The following ACER2 variants were observed in gnomAD, a reference collection of about 807,000 sequenced individuals.
ACER2 encodes the protein alkaline ceramidase 2, also known as alkCDase 2.
In ACER2, 26 loss-of-function variants were observed where a neutral mutation model predicts 34.7. The ratio of observed to expected loss-of-function variants is 0.75; its 90% CI spans 0.55 to 1.04. The LOEUF (loss-of-function observed/expected upper bound fraction) is 1.04. Ranked by LOEUF, ACER2 falls within the 50% of genes least tolerant of loss-of-function variation. The pLI, the probability that ACER2 is intolerant of heterozygous loss-of-function variation, is 0.00. For synonymous variants in ACER2, 138 were observed against 132.1 expected (o/e 1.04, Z -0.31); for missense variants, 352 against 340.8 (o/e 1.03, Z -0.26).
chr9:19,425,443 A>G (rs1830533651), intron 3 of ACER2, among the ~76,000 whole-genome samples: 1 of 152,276 alleles, frequency 6.6e-6, no homozygotes, highest in Non-Finnish European at 1.5e-5. Context: ...TTATACAGGT[A>G]TTCATCCAGC....
chr9:19,418,307 G>T (rs1830296250), intron 1 of ACER2, among the ~76,000 whole-genome samples: 1 of 152,142 alleles, frequency 6.6e-6, no homozygotes, highest in African/African-American at 2.4e-5. Context: ...CAACAATCTG[G>T]AACTAGAAAT....
chr9:19,424,106 AC>A, intron 2 of ACER2, 130 bp downstream of exon 2: 1 of 909,632 alleles, frequency 1.1e-6, no homozygotes, highest in Non-Finnish European at 1.7e-6. Flanking sequence ...GTCTTAGCAA[AC>A]TTTTTTTTCC....
At chr9:19,412,416 G>A (rs773532325) in intron 1 of ACER2, among the ~76,000 whole-genome samples, 3 of 152,130 alleles carry the variant, frequency 2.0e-5, no homozygotes, top group Non-Finnish European at 4.4e-5. Context: ...ACTTTGGGAG[G>A]CTGAGGCAGG....
chr9:19,423,826 AT>A (rs1830481744), intron 1 of ACER2, 35 bp from the exon 2 acceptor site: 1 of 1,539,614 alleles, frequency 6.5e-7, no homozygotes, highest in Non-Finnish European at 9.0e-7. Flanking sequence ...TTTTTACTTA[AT>A]ACTCATCTTT....
chr9:19,414,595 T>A (rs893403763), intron 1 of ACER2, among the ~76,000 whole-genome samples: 6 of 152,096 alleles, frequency 3.9e-5, no homozygotes, highest in African/African-American at 1.4e-4. Context: ...GCAGATCACT[T>A]GAGACCAGCC....
intron 1 of ACER2, among the ~76,000 whole-genome samples, chr9:19,410,657 C>A (rs988816743): frequency 3.3e-5 from 5 of 152,184 alleles, no homozygotes; most frequent in African/African-American, 1.2e-4. Flanking sequence ...CTGCAATGAA[C>A]TGAGATCGCG....
intron 3 of ACER2, among the ~76,000 whole-genome samples, chr9:19,432,847 G>T (rs1002055264): frequency 8.0e-5 from 12 of 150,626 alleles, no homozygotes; most frequent in African/African-American, 2.9e-4. Flanking sequence ...TCCTACTTTG[G>T]CCTCCCAAAG....
At chr9:19,427,429 A>G (rs140923598) in intron 3 of ACER2, among the ~76,000 whole-genome samples, 2 of 152,218 alleles carry the variant, frequency 1.3e-5, no homozygotes, top group African/African-American at 4.8e-5. Context: ...GAGGGCAAGA[A>G]GGCCAAGCCC....
rs563141644 is a variant in ACER2, at chr9:19,433,466, T to G, written c.366-1481T>G. Among the ~76,000 whole-genome samples, 9 of 152,044 alleles carry G rather than the reference T, an allele frequency of 5.9e-5. No individual in the cohort carries two copies. The South Asian group carries it at 1.9e-3, about 32-fold the overall frequency. ...GCACATGTTTCAGAGAGCACAGGGT[T>G]GGGGGTAAGGTCACAGATCAACAGG... On this transcript the variant is annotated intron_variant, in intron 3 of 5. Coordinates refer to ENST00000340967, the MANE Select transcript of ACER2 (RefSeq NM_001010887.3).
chr9:19,429,878 G>T (rs1394337315), intron 3 of ACER2, among the ~76,000 whole-genome samples: 1 of 152,048 alleles, frequency 6.6e-6, no homozygotes, highest in Non-Finnish European at 1.5e-5. Flanking sequence ...ATGCTATATT[G>T]CTGTAACTAT....
At chr9:19,422,298 C>G (rs1162655520) in intron 1 of ACER2, among the ~76,000 whole-genome samples, 1 of 147,720 alleles carries the variant, frequency 6.8e-6, no homozygotes, top group African/African-American at 2.5e-5. Flanking sequence ...TACCCTGTCT[C>G]TAAGAAAAAA....
At chr9:19,415,410 G>A (rs908987596) in intron 1 of ACER2, among the ~76,000 whole-genome samples, 3 of 152,060 alleles carry the variant, frequency 2.0e-5, no homozygotes, top group Admixed American at 1.3e-4. Flanking sequence ...CAGGAGAATC[G>A]CTTGAACCTG....
At chr9:19,436,997 A>G (rs1372221769) in intron 4 of ACER2, among the ~76,000 whole-genome samples, 1 of 152,182 alleles carries the variant, frequency 6.6e-6, no homozygotes, top group Non-Finnish European at 1.5e-5. Context: ...ACAGGCTTTC[A>G]TACCTGACTG....
At chr9:19,411,466 C>T (rs1589028440) in intron 1 of ACER2, among the ~76,000 whole-genome samples, 2 of 152,168 alleles carry the variant, frequency 1.3e-5, no homozygotes, top group Non-Finnish European at 2.9e-5. Flanking sequence ...CTCACTGCGA[C>T]CTCCACCTCC....
rs1372213412 is a variant in ACER2 at position 19,444,372 on chromosome 9, C to T, written c.504-1909C>T. On this transcript the variant is annotated intron_variant, in intron 4 of 5. Transcript: ENST00000340967. ...GACTACAGGCGCCCGCCACCACGCC[C>T]GACTAATTTTTTTGTATTTTTAGTA... is the stretch of plus-strand genomic sequence containing the variant. Among the ~76,000 whole-genome samples, 10 of 151,850 alleles carry T rather than the reference C, an allele frequency of 6.6e-5. No individual in the cohort carries two copies. In the East Asian group the frequency reaches 7.8e-4, roughly 12 times the overall value.
At chr9:19,439,287 C>T (rs1477441075) in intron 4 of ACER2, among the ~76,000 whole-genome samples, 1 of 151,828 alleles carries the variant, frequency 6.6e-6, no homozygotes, top group Non-Finnish European at 1.5e-5. Context: ...TCTCCTATGT[C>T]CATTTCACTC....
At chr9:19,419,788 A>C (rs1192284178) in intron 1 of ACER2, among the ~76,000 whole-genome samples, 1 of 152,164 alleles carries the variant, frequency 6.6e-6, no homozygotes, top group Non-Finnish European at 1.5e-5. Context: ...AAACAAAAAC[A>C]AAGTGAACCA....
At chr9:19,443,307 C>G (rs1026565768) in intron 4 of ACER2, among the ~76,000 whole-genome samples, 2 of 152,184 alleles carry the variant, frequency 1.3e-5, no homozygotes, top group Admixed American at 1.3e-4. Flanking sequence ...GCTGGGATTA[C>G]AGGTGTGAGC....
intron 5 of ACER2, chr9:19,450,232 A>C: frequency 2.0e-6 from 2 of 985,444 alleles, no homozygotes; most frequent in Non-Finnish European, 2.4e-6. Flanking sequence ...GGACTATTTA[A>C]GAACATTCTA....
Sources: gnomAD v4.1 joint callset for allele counts (sites outside exome capture counted in the v4.1 genomes callset) on GRCh38, gnomAD v4.1.1 for gene constraint, MANE v1.5 for transcripts, NCBI Gene and HGNC (gene_info 2026-07-23, HGNC 2026-07-21) for gene names.